The following WDFY4 variants were observed in gnomAD, a reference collection of about 807,000 sequenced individuals.
WDFY4 encodes the protein WDFY family member 4.
WDFY4 carries 169 observed loss-of-function variants against 351.9 expected under a neutral mutation model. The observed-to-expected ratio is 0.48, with a 90% CI of 0.42 to 0.55. The LOEUF (loss-of-function observed/expected upper bound fraction) is 0.55, where lower values mean the gene tolerates loss of function less well. WDFY4 is among the 20% of genes least tolerant of loss of function. The pLI, the probability that WDFY4 is intolerant of heterozygous loss-of-function variation, is 0.00. For synonymous variants in WDFY4, 1,622 were observed against 1,574.6 expected, an observed-to-expected ratio of 1.03 and a Z score of -0.71; for missense variants, 3,803 against 3,935.6, an observed-to-expected ratio of 0.97 and a Z score of 0.90.
intron 23 of WDFY4, among the ~76,000 whole-genome samples, chr10:48,795,508 TATATATATATATATAC>T (rs1483518711): frequency 2.9e-5 from 3 of 102,478 alleles, no homozygotes; most frequent in African/African-American, 4.3e-5. Context: ...TATATATATA[TATATATATATATATAC>T]ATATATATAT....
At chr10:48,961,759 G>A (rs532088938) in intron 53 of WDFY4, among the ~76,000 whole-genome samples, 7 of 152,278 alleles carry the variant, frequency 4.6e-5, no homozygotes, top group South Asian at 2.1e-4. Flanking sequence ...AGAAGTTGTT[G>A]GAAGACAGCA....
intron 42 of WDFY4, among the ~76,000 whole-genome samples, chr10:48,875,563 C>T (rs1352979900): frequency 6.6e-6 from 1 of 152,204 alleles, no homozygotes; most frequent in East Asian, 1.9e-4. Context: ...TACAGGTACA[C>T]ATCACAATGC....
At chr10:48,921,568 A>G (rs1017623537) in intron 47 of WDFY4, among the ~76,000 whole-genome samples, 7 of 150,322 alleles carry the variant, frequency 4.7e-5, no homozygotes, top group Admixed American at 6.7e-5. Context: ...TTTACAAAAG[A>G]TAGTATTAAT....
chr10:48,817,875 AG>A (rs1555023450), intron 32 of WDFY4, among the ~76,000 whole-genome samples: 2 of 152,212 alleles, frequency 1.3e-5, no homozygotes, highest in Non-Finnish European at 2.9e-5. Context: ...GCAGAGGCCC[AG>A]CTTAGAGCCA....
intron 17 of WDFY4, 55 bp from the exon 18 acceptor site, chr10:48,778,556 T>A (rs544465918): frequency 1.3e-6 from 2 of 1,512,006 alleles, no homozygotes; most frequent in African/African-American, 1.4e-5. Context: ...AATCTGAACA[T>A]GCATGCTCAG....
chr10:48,977,027 C>A (rs1428188876), intron 59 of WDFY4, 48 bp downstream of exon 59: 1 of 1,302,114 alleles, frequency 7.7e-7, no homozygotes. Context: ...GAAACGTGTT[C>A]ATCTCCATTC....
chr10:48,706,479 G>GCGC (rs1249424043), intron 1 of WDFY4, among the ~76,000 whole-genome samples: 10 of 152,124 alleles, frequency 6.6e-5, no homozygotes, highest in Non-Finnish European at 1.2e-4. Flanking sequence ...TGCAGCAAAT[G>GCGC]CGCAGTGAGA....
chr10:48,797,271 G>A (rs1011476405), intron 24 of WDFY4, among the ~76,000 whole-genome samples: 2 of 152,198 alleles, frequency 1.3e-5, no homozygotes, highest in South Asian at 2.1e-4. Flanking sequence ...GAGCAGGAGA[G>A]AGAGAAGGCA....
intron 13 of WDFY4, among the ~76,000 whole-genome samples, chr10:48,767,633 G>A (rs1336873341): frequency 6.6e-6 from 1 of 152,168 alleles, no homozygotes; most frequent in Non-Finnish European, 1.5e-5. Context: ...ATGGGGAGGA[G>A]AAGGGTCCCT....
chr10:48,817,202 C>T (rs190903377), intron 31 of WDFY4, 43 bp from the exon 32 acceptor site: 165 of 1,541,388 alleles, frequency 1.1e-4, no homozygotes, highest in Non-Finnish European at 8.8e-6. Flanking sequence ...GAGGCAGCGC[C>T]CATCATGCTG....
In WDFY4 at chr10:48,743,506, AC is replaced by A; in HGVS notation, c.2422del (p.Gln808AsnfsTer31). ...GTTCAGAAGGGAGAAACTGGCAGTGACCCCCAACGCAACTTCAAGCAGTGGC... is the reference window on the plus strand; with the variant it reads ...GTTCAGAAGGGAGAAACTGGCAGTGACCCCAACGCAACTTCAAGCAGTGGC... ...VDVQKGETGSDPQRNFKQWPD... is the reference protein window; with the variant it reads ...VDVQKGETGSXPQRNFKQWPD... On this transcript the variant is annotated frameshift_variant, in exon 12 of 62. Coordinates refer to ENST00000325239, the MANE Select transcript of WDFY4 (RefSeq NM_001394531.1). LOFTEE classifies it high-confidence loss of function. 6.5e-7 allele frequency: 1 copy of A among 1,540,378 alleles called. No homozygotes were observed. The highest frequency in any genetic ancestry group is 8.7e-7 in the Non-Finnish European group (1 of 1,146,254).
At chr10:48,694,614 G>T (rs1056495416) in intron 1 of WDFY4, among the ~76,000 whole-genome samples, 1 of 152,126 alleles carries the variant, frequency 6.6e-6, no homozygotes, top group African/African-American at 2.4e-5. Flanking sequence ...GTGATTCCCA[G>T]GACCGCTCCG....
chr10:48,829,717 T>G (rs2068124074), intron 37 of WDFY4, among the ~76,000 whole-genome samples: 1 of 152,152 alleles, frequency 6.6e-6, no homozygotes. Context: ...CTGGGCATAG[T>G]GGCGGGCACC....
In WDFY4 at chr10:48,854,114, A is replaced by AT. The variant is rs11331850; in HGVS notation, c.6664-13136dup. ...TAATTTTTAGGAGACAGTCTAAGTCATTTTTTTTTTTTTTTGACAAGGTCT... is the reference window on the plus strand; with the variant it reads ...TAATTTTTAGGAGACAGTCTAAGTCATTTTTTTTTTTTTTTTGACAAGGTCT... On this transcript the variant is annotated intron_variant, in intron 39 of 61. Transcript: ENST00000325239. Among the ~76,000 whole-genome samples, 575 of 138,492 alleles carry AT rather than the reference A, an allele frequency of 4.2e-3. 4 individuals are homozygous for AT. The highest frequency in any genetic ancestry group is 8.0e-3 in the South Asian group (35 of 4,374). 90.9% of individuals were successfully genotyped at this position (138,492 alleles called of 152,430 possible).
chr10:48,909,954 G>A lies in WDFY4; in HGVS notation c.7586+8091G>A, dbSNP rs76852595. On this transcript the variant is annotated intron_variant, in intron 47 of 61. Transcript: ENST00000325239. ...TAAGTCTTAAAGTCTTAAATATTTA[G>A]TTGTCTATAATATATAATCTGTAAT... The A allele has an allele frequency of 4.7e-3, 2,041 of 434,440 alleles. 31 individuals carry two copies. The highest frequency in any genetic ancestry group is 0.037 in the African/African-American group (1,867 of 50,866). The allele number at this position is 434,440 out of a possible 1,614,324, so 26.9% of individuals were successfully genotyped here.
intron 13 of WDFY4, among the ~76,000 whole-genome samples, chr10:48,774,059 C>T (rs2065950947): frequency 6.6e-6 from 1 of 152,224 alleles, no homozygotes; most frequent in Non-Finnish European, 1.5e-5. Flanking sequence ...AGAGAGGCCA[C>T]AAGTCTGGAT....
At chr10:48,779,848 C>T (rs1239814758) in intron 18 of WDFY4, 93 bp from the exon 19 acceptor site, 2 of 1,401,642 alleles carry the variant, frequency 1.4e-6, no homozygotes, top group Non-Finnish European at 1.9e-6. Context: ...GTACAAGGCC[C>T]AGTGGTTGAC....
intron 38 of WDFY4, among the ~76,000 whole-genome samples, chr10:48,832,046 C>T (rs533571065): frequency 1.3e-5 from 2 of 152,190 alleles, no homozygotes; most frequent in Non-Finnish European, 2.9e-5. Flanking sequence ...CTTTCATGTA[C>T]TTTTAAAGTC....
chr10:48,824,299 T>TA lies in WDFY4; in HGVS notation c.5982+1763dup, dbSNP rs766800449. ...GGTAACTTAGCGTCTATGGTGTTTT[T>TA]ATGACAAACAGGCAATATATGCAAA... is the stretch of plus-strand genomic sequence containing the variant. On this transcript the variant is annotated intron_variant, in intron 35 of 61. Transcript: ENST00000325239. 1.7e-5 allele frequency: 10 copies of TA among 572,150 alleles called. No homozygotes were observed. The South Asian group carries it at 2.3e-4, about 13-fold the overall frequency. The allele number at this position is 572,150 out of a possible 1,614,324, so 35.4% of individuals were successfully genotyped here.
Sources: gnomAD v4.1 joint callset for allele counts (sites outside exome capture counted in the v4.1 genomes callset) on GRCh38, gnomAD v4.1.1 for gene constraint, MANE v1.5 for transcripts, NCBI Gene and HGNC (gene_info 2026-07-23, HGNC 2026-07-21) for gene names.